ZNF875: variants seen among roughly 807,000 people sequenced by gnomAD.
The protein encoded by ZNF875 is HKR1, GLI-Kruppel zinc finger family member.
Under a neutral mutation model 11.2 loss-of-function variants are expected in ZNF875, and 14 were observed. The ratio of observed to expected loss-of-function variants is 1.26; its 90% CI spans 0.83 to 1.96. The LOEUF (loss-of-function observed/expected upper bound fraction) is 1.96. ZNF875 is among the 30% of genes most tolerant of loss of function. The pLI is 0.00. For synonymous variants in ZNF875, 301 were observed against 281.1 expected, an observed-to-expected ratio of 1.07 and a Z score of -0.71; for missense variants, 752 against 760.4, an observed-to-expected ratio of 0.99 and a Z score of 0.13.
intron 4 of ZNF875, among the ~76,000 whole-genome samples, chr19:37,351,521 G>A (rs183806492): frequency 7.2e-4 from 110 of 152,116 alleles, no homozygotes; most frequent in Non-Finnish European, 1.1e-3. Flanking sequence ...TTAGGTCATT[G>A]GTATAGACCT....
At chr19:37,338,279 C>G (rs1000110173) in intron 2 of ZNF875, among the ~76,000 whole-genome samples, 1 of 152,242 alleles carries the variant, frequency 6.6e-6, no homozygotes. Flanking sequence ...CATGCCACCA[C>G]GCCCGGCTAA....
chr19:37,361,856 G>T (rs558695815), intron 4 of ZNF875: 5 of 398,038 alleles, frequency 1.3e-5, no homozygotes, highest in Non-Finnish European at 2.2e-5. Flanking sequence ...GGCGGAGGTT[G>T]CAGTGAGCTG....
At chr19:37,360,650 C>A (rs1468850282) in intron 4 of ZNF875, among the ~76,000 whole-genome samples, 1 of 152,010 alleles carries the variant, frequency 6.6e-6, no homozygotes, top group Non-Finnish European at 1.5e-5. Context: ...TTCTTTTCCT[C>A]CTTTCCTTTC....
intron 4 of ZNF875, among the ~76,000 whole-genome samples, chr19:37,355,160 T>A (rs976354049): frequency 2.0e-5 from 3 of 152,174 alleles, no homozygotes; most frequent in Non-Finnish European, 4.4e-5. Flanking sequence ...ATATGTATGT[T>A]CATATGTGTT....
chr19:37,348,794 T>C (rs1370902352), intron 4 of ZNF875, among the ~76,000 whole-genome samples: 1 of 152,220 alleles, frequency 6.6e-6, no homozygotes, highest in Admixed American at 6.5e-5. Context: ...ATCTAGGATA[T>C]GTACCTAGGA....
At chr19:37,337,409 G>A (rs1372966316) in intron 2 of ZNF875, 1 of 152,152 alleles carries the variant, frequency 6.6e-6, no homozygotes, top group East Asian at 1.9e-4. Flanking sequence ...GGAAGTCAAT[G>A]GTATGTGGGA....
chr19:37,353,692 A>G (rs2038358873), intron 4 of ZNF875, among the ~76,000 whole-genome samples: 1 of 152,130 alleles, frequency 6.6e-6, no homozygotes, highest in South Asian at 2.1e-4. Context: ...TGGTTAACAT[A>G]TTTTTCTCTG....
intron 2 of ZNF875, 132 bp downstream of exon 2, chr19:37,335,389 A>C: frequency 1.8e-6 from 1 of 564,098 alleles, no homozygotes; most frequent in East Asian, 2.9e-5. Context: ...TCCATAGAAC[A>C]AGGAGGATTT....
At position 37,362,955 on chromosome 19, in the gene ZNF875, G is replaced by T. The variant is rs776276040; in HGVS notation, c.1103G>T (p.Cys368Phe). 4 of 1,614,178 alleles carry T rather than the reference G, an allele frequency of 2.5e-6. No individual in the cohort carries two copies. Among genetic ancestry groups the T allele is most frequent in the Non-Finnish European group, 3.4e-6 (4 of 1,180,036 alleles). The change falls in exon 5 of 5, where the codon TGC becomes TTC. Residue 368 changes from cysteine (C) to phenylalanine (F), a missense_variant. Physicochemically the swap from Cys to Phe is radical, Grantham distance 205. Coordinates refer to ENST00000392153, the MANE Select transcript of ZNF875 (RefSeq NM_001353803.2). ...RAHTGEKPYV[C>F]RECGRGFRQH... ...CACACTGGGGAGAAGCCTTATGTTT[G>T]CAGGGAATGTGGGCGTGGCTTTCGC... is the stretch of plus-strand genomic sequence containing the variant.
At chr19:37,337,180 C>G (rs2145964177) in intron 2 of ZNF875, 2 of 152,230 alleles carry the variant, frequency 1.3e-5, no homozygotes, top group South Asian at 4.1e-4. Context: ...GCTGCACTTT[C>G]TGCAGTGTCC....
chr19:37,350,889 C>T (rs558833355), intron 4 of ZNF875, among the ~76,000 whole-genome samples: 2 of 149,070 alleles, frequency 1.3e-5, no homozygotes, highest in African/African-American at 5.0e-5. Context: ...ACTGCAACCT[C>T]GGCCTACTGG....
chr19:37,355,710 AATT>A (rs368476262), intron 4 of ZNF875, among the ~76,000 whole-genome samples: 13 of 152,280 alleles, frequency 8.5e-5, no homozygotes, highest in African/African-American at 3.1e-4. Flanking sequence ...TCATGTCTAT[AATT>A]ATTATTAAGG....
intron 4 of ZNF875, among the ~76,000 whole-genome samples, chr19:37,325,352 A>G (rs2032245847): frequency 6.6e-6 from 1 of 152,010 alleles, no homozygotes; most frequent in Non-Finnish European, 1.5e-5. Flanking sequence ...CCTAGAGACC[A>G]TTTCTCTCCA....
upstream of ZNF875, among the ~76,000 whole-genome samples, chr19:37,316,436 C>T (rs1244654085): frequency 6.6e-6 from 1 of 152,168 alleles, no homozygotes; most frequent in Non-Finnish European, 1.5e-5. Flanking sequence ...ATATCGCGAT[C>T]TCGGCTCACT....
At chr19:37,344,061 A>G (rs987784467) in intron 2 of ZNF875, among the ~76,000 whole-genome samples, 1 of 152,160 alleles carries the variant, frequency 6.6e-6, no homozygotes, top group Non-Finnish European at 1.5e-5. Flanking sequence ...TCAAAGCCAT[A>G]GGATGTCTGC....
intron 2 of ZNF875, 90 bp from the exon 3 acceptor site, chr19:37,347,100 A>G: frequency 1.3e-6 from 2 of 1,578,802 alleles, no homozygotes; most frequent in South Asian, 1.1e-5. Flanking sequence ...TACAGGCATG[A>G]ACCACCGGGC....
chr19:37,347,861 A>G lies in ZNF875; in HGVS notation c.245A>G (p.Asp82Gly). 6.3e-7 allele frequency: 1 copy of G among 1,597,690 alleles called. No individual in the cohort carries two copies. The highest frequency in any genetic ancestry group is 8.6e-7 in the Non-Finnish European group (1 of 1,165,186). The change falls in exon 4 of 5, where the codon GAC becomes GGC. Residue 82 changes from aspartate (D) to glycine (G), a missense_variant. Asp to Gly is a moderately conservative substitution (Grantham distance 94, BLOSUM62 -1). Transcript: ENST00000392153. ...AGAGAGGAGAGAAAATGTCCACTGG[A>G]CCTCTGTCCAGGTGAGTGTTGAGTG... ...PWREERKCPL[D>G]LCPESKPEIQ... is the part of the protein sequence containing the mutation.
upstream of ZNF875, among the ~76,000 whole-genome samples, chr19:37,331,829 G>T (rs893928842): frequency 3.1e-5 from 4 of 130,992 alleles, no homozygotes; most frequent in African/African-American, 1.0e-4. Flanking sequence ...CCCGTAAAGG[G>T]TCTGTGCTGA....
intron 4 of ZNF875, among the ~76,000 whole-genome samples, chr19:37,360,363 C>T (rs1482721820): frequency 6.6e-6 from 1 of 152,190 alleles, no homozygotes; most frequent in Non-Finnish European, 1.5e-5. Context: ...ATACACTCCC[C>T]AACTTTATTT....
Sources: gnomAD v4.1 joint callset for allele counts (sites outside exome capture counted in the v4.1 genomes callset) on GRCh38, gnomAD v4.1.1 for gene constraint, MANE v1.5 for transcripts, NCBI Gene and HGNC (gene_info 2026-07-23, HGNC 2026-07-21) for gene names.